PCDH15: variants seen among roughly 807,000 people sequenced by gnomAD.
PCDH15 encodes protocadherin-15.
Under a neutral mutation model 178.5 loss-of-function variants are expected in PCDH15, and 129 were observed. The ratio of observed to expected loss-of-function variants is 0.72; its 90% confidence interval spans 0.63 to 0.84. The LOEUF (loss-of-function observed/expected upper bound fraction) is 0.84, where lower values mean the gene tolerates loss of function less well. Among genes scored for constraint, PCDH15 ranks in the 40% least tolerant of loss-of-function variants. The pLI, the probability that PCDH15 is intolerant of heterozygous loss-of-function variation, is 0.00. For synonymous variants in PCDH15, 800 were observed against 732.0 expected, an observed-to-expected ratio of 1.09 and a Z score of -1.50; for missense variants, 2,230 against 2,099.9, an observed-to-expected ratio of 1.06 and a Z score of -1.21.
intron 20 of PCDH15, among the ~76,000 whole-genome samples, chr10:54,016,129 G>A (rs2092732880): frequency 6.6e-6 from 1 of 151,834 alleles, no homozygotes; most frequent in Non-Finnish European, 1.5e-5. Flanking sequence ...ACACTTTTCA[G>A]AAGAAGACAT....
chr10:54,061,608 C>A (rs1029733786), intron 18 of PCDH15, among the ~76,000 whole-genome samples: 1 of 151,920 alleles, frequency 6.6e-6, no homozygotes, highest in Non-Finnish European at 1.5e-5. Context: ...TGAACCCTAA[C>A]CTGGCCACCT....
chr10:54,257,847 A>G (rs916386330), intron 8 of PCDH15, among the ~76,000 whole-genome samples: 9 of 152,162 alleles, frequency 5.9e-5, no homozygotes, highest in Non-Finnish European at 1.3e-4. Flanking sequence ...CTGTCTTTAC[A>G]TTGGAATAAG....
intron 2 of PCDH15, among the ~76,000 whole-genome samples, chr10:55,032,566 GT>G (rs1840638843): frequency 6.6e-6 from 1 of 152,256 alleles, no homozygotes. Context: ...GCATAAATGA[GT>G]TAAAATCAAA....
At chr10:55,338,141 C>G (rs1010433360) in intron 2 of PCDH15, among the ~76,000 whole-genome samples, 4 of 152,058 alleles carry the variant, frequency 2.6e-5, no homozygotes, top group Non-Finnish European at 5.9e-5. Context: ...TTTATCCCAA[C>G]AAGAGGCAAT....
At chr10:54,054,255 G>C (rs1350932710) in intron 18 of PCDH15, among the ~76,000 whole-genome samples, 1 of 152,030 alleles carries the variant, frequency 6.6e-6, no homozygotes, top group East Asian at 1.9e-4. Flanking sequence ...TAATGTAATT[G>C]CAATTGATAA....
At chr10:55,269,363 C>T (rs11004794) in intron 1 of PCDH15, among the ~76,000 whole-genome samples, 89,065 of 151,806 alleles carry the variant, frequency 0.59, 26,886 homozygotes, top group East Asian at 0.78. Context: ...AAACATTTGA[C>T]TCCATACCTA....
chr10:54,167,114 T>C (rs1023707071), intron 13 of PCDH15, among the ~76,000 whole-genome samples: 3 of 152,194 alleles, frequency 2.0e-5, no homozygotes, highest in Non-Finnish European at 2.9e-5. Flanking sequence ...TCTCTTCACA[T>C]GGACGCGCAT....
At chr10:54,538,023 C>A (rs145735080) in intron 2 of PCDH15, among the ~76,000 whole-genome samples, 2 of 152,008 alleles carry the variant, frequency 1.3e-5, no homozygotes, top group Non-Finnish European at 2.9e-5. Flanking sequence ...TAGACCTTTG[C>A]GGGTGCATAG....
chr10:54,402,799 C>T (rs957082128), intron 3 of PCDH15, among the ~76,000 whole-genome samples: 3 of 151,930 alleles, frequency 2.0e-5, no homozygotes, highest in African/African-American at 7.2e-5. Context: ...TGGCCATTCT[C>T]CCATCTTTCT....
intron 2 of PCDH15, among the ~76,000 whole-genome samples, chr10:55,432,930 G>A (rs922145575): frequency 6.6e-6 from 1 of 151,876 alleles, no homozygotes; most frequent in Admixed American, 6.6e-5. Context: ...AGGCTGAGGC[G>A]GGAGAATGGC....
At chr10:54,980,127 C>G (rs1208751324) in intron 2 of PCDH15, among the ~76,000 whole-genome samples, 1 of 152,114 alleles carries the variant, frequency 6.6e-6, no homozygotes, top group African/African-American at 2.4e-5. Context: ...ATTTTGCCAT[C>G]AAACCTTGGA....
intron 3 of PCDH15, among the ~76,000 whole-genome samples, chr10:54,872,662 A>G (rs1954060032): frequency 6.6e-6 from 1 of 152,048 alleles, no homozygotes; most frequent in Non-Finnish European, 1.5e-5. Flanking sequence ...GAGGGTACAA[A>G]CCATGATTTC....
At chr10:54,668,271 C>T (rs1051901249) in intron 1 of PCDH15, among the ~76,000 whole-genome samples, 1 of 151,860 alleles carries the variant, frequency 6.6e-6, no homozygotes, top group African/African-American at 2.4e-5. Context: ...CAATAACAAA[C>T]ATAAATAAGT....
At chr10:55,265,227 C>G (rs1338150275) in intron 1 of PCDH15, among the ~76,000 whole-genome samples, 3 of 151,548 alleles carry the variant, frequency 2.0e-5, no homozygotes, top group Non-Finnish European at 4.4e-5. Context: ...TAAAGCAAAT[C>G]AAGGGGGATC....
intron 2 of PCDH15, among the ~76,000 whole-genome samples, chr10:55,036,041 T>C (rs983818592): frequency 2.0e-5 from 3 of 152,156 alleles, no homozygotes; most frequent in South Asian, 2.1e-4. Context: ...AGGAACAGTA[T>C]TGAGAGGTAG....
At chr10:53,929,202 T>G (rs1247933864) in intron 25 of PCDH15, among the ~76,000 whole-genome samples, 1 of 152,098 alleles carries the variant, frequency 6.6e-6, no homozygotes, top group Non-Finnish European at 1.5e-5. Flanking sequence ...TTAATAATAG[T>G]GTATACCATG....
intron 3 of PCDH15, among the ~76,000 whole-genome samples, chr10:54,404,657 A>T: frequency 6.6e-6 from 1 of 152,158 alleles, no homozygotes; most frequent in East Asian, 1.9e-4. Flanking sequence ...AACGGGATCT[A>T]ATTAAGCTAA....
intron 2 of PCDH15, among the ~76,000 whole-genome samples, chr10:54,935,871 A>G (rs1406656641): frequency 2.0e-5 from 3 of 152,094 alleles, no homozygotes; most frequent in Non-Finnish European, 2.9e-5. Context: ...ATGTTCTGAA[A>G]GCATTTTATC....
intron 18 of PCDH15, among the ~76,000 whole-genome samples, chr10:54,040,916 T>G (rs1043831315): frequency 6.6e-6 from 1 of 152,110 alleles, no homozygotes; most frequent in African/African-American, 2.4e-5. Flanking sequence ...TAAAACTTCA[T>G]CAATATTATG....
Sources: gnomAD v4.1 joint callset for allele counts (sites outside exome capture counted in the v4.1 genomes callset) on GRCh38, gnomAD v4.1.1 for gene constraint, MANE v1.5 for transcripts, NCBI Gene and HGNC (gene_info 2026-07-23, HGNC 2026-07-21) for gene names.